Variants in AGBL4 observed in about 807,000 individuals in gnomAD.
AGBL4 encodes the protein cytosolic carboxypeptidase 6.
A neutral mutation model predicts 66.4 loss-of-function variants in AGBL4; 58 were observed. The ratio of observed to expected loss-of-function variants is 0.87; its 90% CI spans 0.71 to 1.09. The LOEUF (loss-of-function observed/expected upper bound fraction) is 1.09, where lower values mean the gene tolerates loss of function less well. AGBL4 is among the 50% of genes least tolerant of loss of function. The pLI is 0.00. For missense variants in AGBL4, 579 were observed against 631.0 expected, an observed-to-expected ratio of 0.92 and a Z score of 0.88; for synonymous variants, 234 against 222.9, an observed-to-expected ratio of 1.05 and a Z score of -0.44.
intron 3 of AGBL4, among the ~76,000 whole-genome samples, chr1:49,415,856 A>G (rs1399873680): frequency 6.6e-6 from 1 of 152,104 alleles, no homozygotes; most frequent in Non-Finnish European, 1.5e-5. Context: ...AGTAGAATCA[A>G]CATTCAAAAT....
intron 6 of AGBL4, among the ~76,000 whole-genome samples, chr1:48,685,537 A>G (rs1401155038): frequency 6.6e-6 from 1 of 152,184 alleles, no homozygotes; most frequent in Admixed American, 6.5e-5. Flanking sequence ...CCACCCCTCC[A>G]TATCACCAGG....
chr1:49,457,667 T>G (rs962145478), intron 3 of AGBL4, among the ~76,000 whole-genome samples: 1 of 151,876 alleles, frequency 6.6e-6, no homozygotes, highest in African/African-American at 2.4e-5. Flanking sequence ...TTTCTGATGC[T>G]ATCTTCCAAA....
chr1:49,120,449 G>T (rs1013450555), intron 4 of AGBL4, among the ~76,000 whole-genome samples: 1 of 152,032 alleles, frequency 6.6e-6, no homozygotes, highest in Admixed American at 6.6e-5. Flanking sequence ...AGTTTGGCTG[G>T]GTATGAAAAG....
At chr1:49,857,314 G>A (rs751423745) in intron 1 of AGBL4, among the ~76,000 whole-genome samples, 7 of 152,062 alleles carry the variant, frequency 4.6e-5, no homozygotes, top group Non-Finnish European at 5.9e-5. Context: ...AATCTACAGA[G>A]CCAATGTAAT....
chr1:48,602,232 A>C (rs1396351905), intron 9 of AGBL4, among the ~76,000 whole-genome samples: 7 of 152,032 alleles, frequency 4.6e-5, no homozygotes, highest in Non-Finnish European at 8.8e-5. Flanking sequence ...CTTCCTAGGA[A>C]ACTCATCTTG....
At chr1:49,449,303 T>A (rs1345396223) in intron 3 of AGBL4, among the ~76,000 whole-genome samples, 1 of 152,136 alleles carries the variant, frequency 6.6e-6, no homozygotes, top group Non-Finnish European at 1.5e-5. Context: ...AAGATATTTA[T>A]AATTGAGAAG....
chr1:49,799,979 GA>G (rs1489026995), intron 2 of AGBL4, among the ~76,000 whole-genome samples: 1 of 151,760 alleles, frequency 6.6e-6, no homozygotes, highest in African/African-American at 2.4e-5. Flanking sequence ...GAGTAGAGAG[GA>G]AAAAAAGAGA....
At chr1:48,776,905 G>A in intron 6 of AGBL4, 1 of 948,478 alleles carries the variant, frequency 1.1e-6, no homozygotes, top group East Asian at 3.3e-5. Flanking sequence ...GATCCGGCGG[G>A]GGGCGCGAGT....
intron 5 of AGBL4, among the ~76,000 whole-genome samples, chr1:48,870,883 T>C (rs1293773967): frequency 6.6e-6 from 1 of 152,180 alleles, no homozygotes; most frequent in African/African-American, 2.4e-5. Context: ...ATGTTCTAGG[T>C]GCAAACGAAA....
At chr1:48,743,874 A>T (rs1409180479) in intron 6 of AGBL4, among the ~76,000 whole-genome samples, 2 of 152,242 alleles carry the variant, frequency 1.3e-5, no homozygotes, top group Non-Finnish European at 2.9e-5. Context: ...TTCATGATAC[A>T]GCTTCCCAGG....
At chr1:48,668,933 G>A (rs1248132212) in intron 6 of AGBL4, among the ~76,000 whole-genome samples, 3 of 152,184 alleles carry the variant, frequency 2.0e-5, no homozygotes, top group Non-Finnish European at 4.4e-5. Context: ...AATGCATTTG[G>A]GTAGATATGT....
chr1:48,966,506 A>G (rs1047760880), intron 5 of AGBL4, among the ~76,000 whole-genome samples: 3 of 152,142 alleles, frequency 2.0e-5, no homozygotes, highest in African/African-American at 7.2e-5. Context: ...ACAGTCATTG[A>G]GAGTCTTAAG....
chr1:49,247,137 T>C (rs1651709280), intron 3 of AGBL4, among the ~76,000 whole-genome samples: 1 of 152,096 alleles, frequency 6.6e-6, no homozygotes, highest in Admixed American at 6.6e-5. Context: ...ATTTTTACTC[T>C]TGAGTTAATC....
Position 49,851,459 on chromosome 1 carries a change from G to A in AGBL4, c.94C>T (p.Pro32Ser). 1 of 1,550,552 alleles carries A rather than the reference G, an allele frequency of 6.4e-7. No individual in the cohort carries two copies. Among genetic ancestry groups the A allele is most frequent in the Non-Finnish European group, 8.7e-7 (1 of 1,146,272 alleles). ...TTGGGCTGTCCACAATAGCCAGTTG[G>A]AAGCACTATATATTTGCTCACATTC... Reference protein sequence around the residue: ...GGNVSKYIVLPTGYCGQPKKG... With the variant: ...GGNVSKYIVLSTGYCGQPKKG... Residue 32 changes from proline to serine, a missense_variant, in exon 2 of 14, where the codon CCA becomes TCA. Physicochemically the swap from Pro to Ser is moderately conservative, Grantham distance 74 (BLOSUM62 -1). Transcript: ENST00000371839.
intron 5 of AGBL4, among the ~76,000 whole-genome samples, chr1:49,023,266 C>G (rs1337393051): frequency 6.6e-6 from 1 of 152,080 alleles, no homozygotes; most frequent in Non-Finnish European, 1.5e-5. Flanking sequence ...ATGAAAAAAG[C>G]CAAGACTGTG....
At chr1:49,234,246 G>C (rs905634974) in intron 4 of AGBL4, among the ~76,000 whole-genome samples, 3 of 152,096 alleles carry the variant, frequency 2.0e-5, no homozygotes, top group African/African-American at 7.2e-5. Context: ...ATGCCCCCAA[G>C]GAACTTAACA....
intron 3 of AGBL4, among the ~76,000 whole-genome samples, chr1:49,286,097 C>G (rs1160773627): frequency 6.6e-6 from 1 of 152,010 alleles, no homozygotes; most frequent in African/African-American, 2.4e-5. Flanking sequence ...ATAAACAGAG[C>G]CAAAGACAAA....
intron 6 of AGBL4, among the ~76,000 whole-genome samples, chr1:48,689,249 C>A (rs1646585654): frequency 6.9e-6 from 1 of 145,192 alleles, no homozygotes; most frequent in African/African-American, 2.8e-5. Context: ...GAAACAAGAT[C>A]CACTCCCTGT....
At chr1:49,769,554 A>G (rs1643993415) in intron 2 of AGBL4, among the ~76,000 whole-genome samples, 1 of 152,170 alleles carries the variant, frequency 6.6e-6, no homozygotes, top group South Asian at 2.1e-4. Flanking sequence ...ACATTACCTG[A>G]CTTCAAACTA....
Sources: allele counts gnomAD v4.1 joint callset (sites outside exome capture counted in the v4.1 genomes callset), GRCh38; gene constraint gnomAD v4.1.1; transcripts MANE v1.5; gene names NCBI Gene and HGNC (gene_info 2026-07-23, HGNC 2026-07-21).